EVA1A: variants seen among roughly 807,000 people sequenced by gnomAD.
EVA1A encodes protein eva-1 homolog A.
Under a neutral mutation model 9.8 loss-of-function variants are expected in EVA1A, and 7 were observed. The observed-to-expected ratio is 0.71, with a 90% CI of 0.41 to 1.34. EVA1A has a LOEUF of 1.34. EVA1A is among the 40% of genes most tolerant of loss of function. The pLI, the probability that EVA1A is intolerant of heterozygous loss-of-function variation, is 0.01. For synonymous variants in EVA1A, 90 were observed against 85.6 expected (o/e 1.05, Z -0.28); for missense variants, 206 against 205.9 (o/e 1.00, Z 0.00).
Position 75,493,518 on chromosome 2 carries a change from G to A in EVA1A, c.177C>T (p.Cys59=), listed in dbSNP as rs1312379269. The change falls in exon 4 of 4, where the codon TGC becomes TGT. Residue 59 remains cysteine (C), a synonymous_variant. Transcript: ENST00000393913. ...TLAALVIRIS[C]HTDCRRRPGK... is the part of the protein sequence containing the mutation. ...CGGGACGCCGCCTGCAGTCTGTGTG[G>A]CAAGAGATCCTTATCACCAGAGCAG... The A allele has an allele frequency of 1.2e-6, 2 of 1,614,082 alleles. No individual in the cohort carries two copies. Among genetic ancestry groups the A allele is most frequent in the African/African-American group, 1.3e-5 (1 of 74,936 alleles).
At chr2:75,564,680 C>T (rs150941245), upstream of EVA1A, among the ~76,000 whole-genome samples, 85 of 152,296 alleles carry the variant, frequency 5.6e-4, no homozygotes, top group South Asian at 4.8e-3. Flanking sequence ...ATAGGAGGAT[C>T]GTGTTCCACC....
At chr2:75,508,487 T>C (rs953869383) in intron 3 of EVA1A, among the ~76,000 whole-genome samples, 1 of 152,150 alleles carries the variant, frequency 6.6e-6, no homozygotes, top group African/African-American at 2.4e-5. Context: ...TCCTGCCTAA[T>C]AAATTTTTGG....
chr2:75,540,287 T>C (rs181784902), intron 1 of EVA1A, among the ~76,000 whole-genome samples: 2 of 152,366 alleles, frequency 1.3e-5, no homozygotes, highest in African/African-American at 4.8e-5. Flanking sequence ...TATTTTTCAG[T>C]GCCAATGTTG....
intron 3 of EVA1A, among the ~76,000 whole-genome samples, chr2:75,506,873 T>C (rs1674637192): frequency 6.6e-6 from 1 of 152,004 alleles, no homozygotes; most frequent in Non-Finnish European, 1.5e-5. Flanking sequence ...AACTCCAGAC[T>C]CCATAGCCGT....
At chr2:75,550,511 T>C (rs116787960) in intron 1 of EVA1A, among the ~76,000 whole-genome samples, 1,629 of 152,282 alleles carry the variant, frequency 0.011, 22 homozygotes, top group African/African-American at 0.032. Context: ...GGAGCTTCAG[T>C]ACATCATGCT....
At chr2:75,507,619 T>C (rs1674662183) in intron 3 of EVA1A, among the ~76,000 whole-genome samples, 1 of 152,162 alleles carries the variant, frequency 6.6e-6, no homozygotes, top group Non-Finnish European at 1.5e-5. Flanking sequence ...ATACTGAGTA[T>C]AGGGGCCCTC....
intron 3 of EVA1A, among the ~76,000 whole-genome samples, chr2:75,498,179 G>T (rs1043293665): frequency 2.0e-5 from 3 of 151,972 alleles, no homozygotes; most frequent in African/African-American, 7.3e-5. Flanking sequence ...GTCTTTTGCA[G>T]CAACATGGAT....
intron 3 of EVA1A, among the ~76,000 whole-genome samples, chr2:75,500,303 T>A (rs1001108378): frequency 6.6e-6 from 1 of 152,234 alleles, no homozygotes; most frequent in African/African-American, 2.4e-5. Flanking sequence ...TAACTTTTGA[T>A]GACGGATCAC....
chr2:75,554,661 C>T (rs1676640407), intron 1 of EVA1A, among the ~76,000 whole-genome samples: 1 of 152,148 alleles, frequency 6.6e-6, no homozygotes, highest in African/African-American at 2.4e-5. Flanking sequence ...GATTCCTCCT[C>T]TAATACAGAC....
chr2:75,553,644 A>C (rs1433043879), intron 1 of EVA1A, among the ~76,000 whole-genome samples: 3 of 152,192 alleles, frequency 2.0e-5, no homozygotes, highest in South Asian at 2.1e-4. Context: ...TAGCACACCC[A>C]CAGGAACACT....
chr2:75,493,588 A>G lies in EVA1A; in HGVS notation c.107T>C (p.Leu36Pro). 3 of 1,597,008 alleles carry G rather than the reference A, an allele frequency of 1.9e-6. No homozygotes were observed. Among genetic ancestry groups the G allele is most frequent in the Non-Finnish European group, 2.6e-6 (3 of 1,170,180 alleles). Residue 36 changes from leucine to proline, a missense_variant, in exon 4 of 4, where the codon CTG becomes CCG. Coordinates refer to ENST00000393913, the MANE Select transcript of EVA1A (RefSeq NM_001135032.2). The stretch of plus-strand genomic sequence containing the variant: ...GATGCACACGCCAGAAACAAAGTAC[A>G]GAGCTGCTCGCTCAGGATTTTCTGG... ...FVSENPERAALYFVSGVCIGL... is the reference protein window; with the variant it reads ...FVSENPERAAPYFVSGVCIGL...
chr2:75,569,386 C>T (rs1470828244), intron 1 of EVA1A: 3 of 152,702 alleles, frequency 2.0e-5, no homozygotes, highest in African/African-American at 2.4e-5. Flanking sequence ...CCTCATCTCC[C>T]TGCAGTACTT....
intron 1 of EVA1A, among the ~76,000 whole-genome samples, chr2:75,528,435 T>C (rs1675530123): frequency 6.6e-6 from 1 of 152,150 alleles, no homozygotes; most frequent in East Asian, 1.9e-4. Context: ...CTGTTGGCTG[T>C]TGGCAGGAGT....
At chr2:75,548,700 C>T (rs533091970) in intron 1 of EVA1A, among the ~76,000 whole-genome samples, 13 of 152,204 alleles carry the variant, frequency 8.5e-5, no homozygotes, top group South Asian at 2.1e-4. Context: ...AATGAATATG[C>T]GCCTACAGAT....
chr2:75,498,984 G>C (rs536178025), intron 3 of EVA1A, among the ~76,000 whole-genome samples: 1 of 152,210 alleles, frequency 6.6e-6, no homozygotes, highest in South Asian at 2.1e-4. Context: ...ATTTATTTGT[G>C]ATTTGCTCAT....
chr2:75,506,072 C>T (rs898778773), intron 3 of EVA1A, among the ~76,000 whole-genome samples: 2 of 152,154 alleles, frequency 1.3e-5, no homozygotes, highest in Non-Finnish European at 2.9e-5. Context: ...CAATATTGCT[C>T]CATGGTCTCC....
At chr2:75,546,001 G>C (rs1676316419) in intron 1 of EVA1A, among the ~76,000 whole-genome samples, 1 of 152,194 alleles carries the variant, frequency 6.6e-6, no homozygotes, top group Non-Finnish European at 1.5e-5. Context: ...ATTTGAGAGA[G>C]AGAATTGTAT....
At chr2:75,558,761 G>A (rs1218240384) in intron 1 of EVA1A, 1 of 152,252 alleles carries the variant, frequency 6.6e-6, no homozygotes, top group Non-Finnish European at 1.5e-5. Flanking sequence ...AGTGGCATAA[G>A]GTGAGGCCAG....
At chr2:75,500,047 C>G (rs1232963787) in intron 3 of EVA1A, among the ~76,000 whole-genome samples, 1 of 152,144 alleles carries the variant, frequency 6.6e-6, no homozygotes, top group Non-Finnish European at 1.5e-5. Context: ...CATTGCTTCC[C>G]CCATTTCGCT....
Sources: gnomAD v4.1 joint callset for allele counts (sites outside exome capture counted in the v4.1 genomes callset) on GRCh38, gnomAD v4.1.1 for gene constraint, MANE v1.5 for transcripts, NCBI Gene and HGNC (gene_info 2026-07-23, HGNC 2026-07-21) for gene names.